MRPS21: variants seen among roughly 807,000 people sequenced by gnomAD.
The protein encoded by MRPS21 is small ribosomal subunit protein bS21m.
Under a neutral mutation model 9.9 loss-of-function variants are expected in MRPS21, and 8 were observed. The observed-to-expected ratio is 0.81, with a 90% CI of 0.47 to 1.45. The LOEUF (loss-of-function observed/expected upper bound fraction) is 1.45, where lower values mean the gene tolerates loss of function less well. Ranked by LOEUF, MRPS21 falls within the 40% of genes most tolerant of loss-of-function variation. The pLI, the probability that MRPS21 is intolerant of heterozygous loss-of-function variation, is 0.00. For synonymous variants in MRPS21, 40 were observed against 40.3 expected (o/e 0.99, Z 0.03); for missense variants, 101 against 118.9 (o/e 0.85, Z 0.70).
At chr1:150,304,462 A>G (rs1447589925) in intron 2 of MRPS21, among the ~76,000 whole-genome samples, 2 of 151,858 alleles carry the variant, frequency 1.3e-5, no homozygotes, top group Non-Finnish European at 2.9e-5. Context: ...TGTTCTTTGA[A>G]ATAGGGTTTC....
At chr1:150,305,723 T>C (rs1217810586) in intron 2 of MRPS21, among the ~76,000 whole-genome samples, 2 of 152,082 alleles carry the variant, frequency 1.3e-5, no homozygotes, top group African/African-American at 4.8e-5. Context: ...GCTTCCCGAG[T>C]AGCTGGGATT....
In MRPS21 at chr1:150,294,896, C is replaced by CAAAAA. The variant is rs143847321; in HGVS notation, c.83+452_83+456dup. Reference sequence around the variant, plus strand: ...CCTGGGCAAGAGTGAGACTCTATCTCAAAAAAAAAGAAAAAAAGTTCTTCC... The same window carrying CAAAAA: ...CCTGGGCAAGAGTGAGACTCTATCTCAAAAAAAAAAAAAAGAAAAAAAGTTCTTCC... On this transcript the variant is annotated intron_variant, in intron 2 of 2. Transcript: ENST00000614145. 6.0e-4 allele frequency among the ~76,000 whole-genome samples: 82 copies of CAAAAA among 136,348 alleles called. 7 individuals carry two copies. Among genetic ancestry groups the CAAAAA allele is most frequent in the Middle Eastern group, 3.6e-3 (1 of 274 alleles). 89.4% of individuals were successfully genotyped at this position (136,348 alleles called of 152,430 possible). A position where few individuals can be genotyped will look rare whatever the true frequency, so the allele number is the denominator to read the frequency against.
intron 2 of MRPS21, chr1:150,301,323 G>A (rs1553857660): frequency 1.0e-5 from 3 of 288,044 alleles, no homozygotes; most frequent in South Asian, 5.1e-5. Context: ...GGACGAGAGC[G>A]AGACTTCGTC....
At position 150,308,297 on chromosome 1, in the gene MRPS21, A is replaced by G; in HGVS notation, c.*69A>G. On this transcript the variant is annotated 3_prime_UTR_variant, in exon 3 of 3. Coordinates refer to ENST00000614145, the MANE Select transcript of MRPS21 (RefSeq NM_031901.6). ...TCTCTCCATCTCTTTTCTTTGTACA[A>G]TCCCATTTCCTATTACCATTCTCTG... 5 of 1,469,650 alleles carry G rather than the reference A, an allele frequency of 3.4e-6. No homozygotes were observed. The highest frequency in any genetic ancestry group is 4.6e-6 in the Non-Finnish European group (5 of 1,081,780). The allele number at this position is 1,469,650 out of a possible 1,614,324, so 91.0% of individuals were successfully genotyped here. A position where few individuals can be genotyped will look rare whatever the true frequency, so the allele number is the denominator to read the frequency against.
At chr1:150,303,139 C>A (rs1004622827) in intron 2 of MRPS21, among the ~76,000 whole-genome samples, 1 of 152,166 alleles carries the variant, frequency 6.6e-6, no homozygotes, top group Admixed American at 6.6e-5. Context: ...TCATACTCAA[C>A]CCCTTCCTCC....
intron 2 of MRPS21, among the ~76,000 whole-genome samples, chr1:150,306,576 A>G (rs1486960974): frequency 1.3e-5 from 2 of 151,840 alleles, no homozygotes; most frequent in African/African-American, 4.8e-5. Context: ...GCTTACTGCA[A>G]TCTCCGCCCC....
chr1:150,299,756 A>C (rs928589322), intron 2 of MRPS21, among the ~76,000 whole-genome samples: 1 of 152,058 alleles, frequency 6.6e-6, no homozygotes, highest in Non-Finnish European at 1.5e-5. Flanking sequence ...CACCCAGCCC[A>C]CATACTACTT....
chr1:150,307,904 T>C, intron 2 of MRPS21, 144 bp from the exon 3 acceptor site: 1 of 735,390 alleles, frequency 1.4e-6, no homozygotes. Flanking sequence ...CCTTTGTAAG[T>C]AGGCAGTTAA....
At chr1:150,301,340 G>GAAA in intron 2 of MRPS21, 4 of 280,014 alleles carry the variant, frequency 1.4e-5, no homozygotes, top group Admixed American at 4.1e-5. Flanking sequence ...CGTCTCAAAA[G>GAAA]AAAAAAAATT....
rs1310801474 is a variant in MRPS21 at position 150,308,308 on chromosome 1, T to C, written c.*80T>C. 1.4e-6 allele frequency: 2 copies of C among 1,403,944 alleles called. No individual in the cohort carries two copies. Among genetic ancestry groups the C allele is most frequent in the South Asian group, 1.4e-5 (1 of 70,258 alleles). 87.0% of individuals were successfully genotyped at this position (1,403,944 alleles called of 1,614,324 possible). A position where few individuals can be genotyped will look rare whatever the true frequency, so the allele number is the denominator to read the frequency against. On this transcript the variant is annotated 3_prime_UTR_variant, in exon 3 of 3. Coordinates refer to ENST00000614145, the MANE Select transcript of MRPS21 (RefSeq NM_031901.6). ...CTTTTCTTTGTACAATCCCATTTCCTATTACCATTCTCTGCAATAAACTCA... is the reference window on the plus strand; with the variant it reads ...CTTTTCTTTGTACAATCCCATTTCCCATTACCATTCTCTGCAATAAACTCA...
In MRPS21 at chr1:150,304,600, C is replaced by G. The variant is rs917003862; in HGVS notation, c.84-3448C>G. On this transcript the variant is annotated intron_variant, in intron 2 of 2. Transcript: ENST00000614145. ...TGAAACTCCGTCTCTACTAAAAATACAAAAATTAGCTGGGCGTGGTGGTGC... is the reference window on the plus strand; with the variant it reads ...TGAAACTCCGTCTCTACTAAAAATAGAAAAATTAGCTGGGCGTGGTGGTGC... 3.9e-5 allele frequency: 7 copies of G among 178,376 alleles called. 1 individual carries two copies. The South Asian group carries it at 6.2e-4, about 16-fold the overall frequency. 11.0% of individuals were successfully genotyped at this position (178,376 alleles called of 1,614,324 possible). A position where few individuals can be genotyped will look rare whatever the true frequency, so the allele number is the denominator to read the frequency against.
At chr1:150,299,952 A>G (rs1264661360) in intron 2 of MRPS21, among the ~76,000 whole-genome samples, 1 of 152,168 alleles carries the variant, frequency 6.6e-6, no homozygotes. Context: ...GCCCAATCTG[A>G]GATGAATCAG....
chr1:150,305,857 GAT>G (rs1387094087), intron 2 of MRPS21, among the ~76,000 whole-genome samples: 1 of 132,394 alleles, frequency 7.6e-6, no homozygotes, highest in African/African-American at 2.8e-5. Context: ...GTTATTAAAA[GAT>G]ATATATATAG....
chr1:150,299,572 A>G (rs919400761), intron 2 of MRPS21, among the ~76,000 whole-genome samples: 3 of 152,076 alleles, frequency 2.0e-5, no homozygotes, highest in Non-Finnish European at 4.4e-5. Flanking sequence ...CTCCTGCCTC[A>G]GCCCCCCGTG....
At chr1:150,303,856 T>C in intron 2 of MRPS21, 1 of 455,900 alleles carries the variant, frequency 2.2e-6, no homozygotes, top group South Asian at 1.5e-5. Context: ...GCTATGGACA[T>C]TTATTAGTCA....
chr1:150,299,210 A>C (rs1330795531), intron 2 of MRPS21, among the ~76,000 whole-genome samples: 1 of 152,140 alleles, frequency 6.6e-6, no homozygotes, highest in Non-Finnish European at 1.5e-5. Context: ...CTAAAATTTG[A>C]AACAGAATCT....
intron 2 of MRPS21, 34 bp downstream of exon 2, chr1:150,294,483 T>C (rs16830437): frequency 0.016 from 24,176 of 1,550,568 alleles, 1,706 homozygotes; most frequent in Admixed American, 0.14. Context: ...ATGCCTAGAC[T>C]CTCTGGGAAG....
chr1:150,305,719 C>T (rs1487606509), intron 2 of MRPS21, among the ~76,000 whole-genome samples: 2 of 152,056 alleles, frequency 1.3e-5, no homozygotes, highest in African/African-American at 4.8e-5. Context: ...CTCCGCTTCC[C>T]GAGTAGCTGG....
chr1:150,301,878 G>A (rs1325300196), intron 2 of MRPS21, among the ~76,000 whole-genome samples: 4 of 152,086 alleles, frequency 2.6e-5, no homozygotes, highest in African/African-American at 9.7e-5. Context: ...GATTACAGGG[G>A]TGAGCCACCG....
Sources: gnomAD v4.1 joint callset for allele counts (sites outside exome capture counted in the v4.1 genomes callset) on GRCh38, gnomAD v4.1.1 for gene constraint, MANE v1.5 for transcripts, NCBI Gene and HGNC (gene_info 2026-07-23, HGNC 2026-07-21) for gene names.